TM9SF2: variants seen among roughly 807,000 people sequenced by gnomAD.
The protein encoded by TM9SF2 is transmembrane 9 superfamily member 2.
Under a neutral mutation model 84.9 loss-of-function variants are expected in TM9SF2, and 13 were observed. The observed-to-expected ratio is 0.15, with a 90% CI of 0.10 to 0.24. The LOEUF (loss-of-function observed/expected upper bound fraction) is 0.24, where lower values mean the gene tolerates loss of function less well. Ranked by LOEUF, TM9SF2 falls within the 10% of genes least tolerant of loss-of-function variation. TM9SF2 has a pLI of 1.00. For missense variants in TM9SF2, 562 were observed against 818.5 expected (o/e 0.69, Z 3.82); for synonymous variants, 273 against 285.8 (o/e 0.96, Z 0.45).
chr13:99,521,901 C>T (rs966148706), intron 3 of TM9SF2, among the ~76,000 whole-genome samples: 1 of 152,106 alleles, frequency 6.6e-6, no homozygotes, highest in Non-Finnish European at 1.5e-5. Context: ...GAGACAGGGT[C>T]TCACTCTGTT....
chr13:99,504,335 T>C (rs551141284), intron 1 of TM9SF2, among the ~76,000 whole-genome samples: 23 of 152,316 alleles, frequency 1.5e-4, no homozygotes, highest in African/African-American at 5.5e-4. Flanking sequence ...GTTGGAGAAA[T>C]TGGGCAGGTC....
chr13:99,511,918 C>T (rs1298299778), intron 1 of TM9SF2, among the ~76,000 whole-genome samples: 1 of 152,146 alleles, frequency 6.6e-6, no homozygotes, highest in Non-Finnish European at 1.5e-5. Context: ...CTTGTTTCCT[C>T]GTGTTAAAGA....
At chr13:99,517,749 C>T (rs568994728) in intron 2 of TM9SF2, 68 bp downstream of exon 2, 2 of 1,100,682 alleles carry the variant, frequency 1.8e-6, no homozygotes, top group African/African-American at 1.6e-5. Flanking sequence ...ACATTGAGAA[C>T]TTTGTTTTCT....
intron 8 of TM9SF2, among the ~76,000 whole-genome samples, chr13:99,541,265 T>C (rs1555340615): frequency 6.6e-6 from 1 of 152,244 alleles, no homozygotes; most frequent in Non-Finnish European, 1.5e-5. Flanking sequence ...AAGCCAGTCC[T>C]TTGTTGTGGC....
intron 3 of TM9SF2, among the ~76,000 whole-genome samples, chr13:99,526,694 G>A (rs114773462): frequency 1.6e-3 from 240 of 152,280 alleles, no homozygotes; most frequent in African/African-American, 5.5e-3. Context: ...GACCAGAGTC[G>A]CTGGAGGAGA....
At chr13:99,520,370 T>C (rs2046154091) in intron 3 of TM9SF2, among the ~76,000 whole-genome samples, 1 of 152,144 alleles carries the variant, frequency 6.6e-6, no homozygotes, top group African/African-American at 2.4e-5. Context: ...GACGGTGGCT[T>C]AAAGGGCAGG....
intron 2 of TM9SF2, among the ~76,000 whole-genome samples, chr13:99,518,420 A>G (rs534053407): frequency 1.3e-5 from 2 of 152,036 alleles, no homozygotes; most frequent in South Asian, 2.1e-4. Flanking sequence ...CCATACTATT[A>G]TTTTTGATTG....
intron 12 of TM9SF2, among the ~76,000 whole-genome samples, chr13:99,549,983 C>G (rs1422681478): frequency 6.6e-6 from 1 of 152,204 alleles, no homozygotes; most frequent in East Asian, 1.9e-4. Flanking sequence ...GTTATCGGTT[C>G]TATTCAAATT....
At chr13:99,525,021 G>A (rs907341985) in intron 3 of TM9SF2, among the ~76,000 whole-genome samples, 2 of 152,052 alleles carry the variant, frequency 1.3e-5, no homozygotes, top group African/African-American at 4.8e-5. Flanking sequence ...TGTCACTGAT[G>A]GGTCAGGTGA....
chr13:99,530,961 A>T (rs1004480350), intron 4 of TM9SF2, among the ~76,000 whole-genome samples: 1 of 151,688 alleles, frequency 6.6e-6, no homozygotes, highest in South Asian at 2.1e-4. Context: ...CCTGGGGTCA[A>T]GTGATTCTTG....
intron 4 of TM9SF2, among the ~76,000 whole-genome samples, chr13:99,534,413 A>C (rs1566568601): frequency 6.6e-6 from 1 of 152,122 alleles, no homozygotes; most frequent in Admixed American, 6.6e-5. Context: ...ACTGTGGGCT[A>C]CCCTCTTTGG....
rs1057426307 is a variant in TM9SF2, at chr13:99,517,531, C to T, written c.172-83C>T. ...ATAACATTTTACATTTCAGACATGTCAAATTCTTTTTTAATTCTAAGCATG... is the reference window on the plus strand; with the variant it reads ...ATAACATTTTACATTTCAGACATGTTAAATTCTTTTTTAATTCTAAGCATG... On this transcript the variant is annotated intron_variant, in intron 1 of 16. Coordinates refer to ENST00000376387, the MANE Select transcript of TM9SF2 (RefSeq NM_004800.3). 1.1e-4 allele frequency: 96 copies of T among 866,334 alleles called. 1 individual carries two copies. In the South Asian group the frequency reaches 1.8e-3, roughly 17 times the overall value. The allele number at this position is 866,334 out of a possible 1,614,324, so 53.7% of individuals were successfully genotyped here.
chr13:99,554,333 G>T lies in TM9SF2; in HGVS notation c.1518G>T (p.Gln506His). Reference protein sequence around the residue: ...NAIEHPVRTNQIPRQIPEQSF... With the variant: ...NAIEHPVRTNHIPRQIPEQSF... Reference sequence around the variant, plus strand: ...TTGAACACCCAGTTCGAACCAATCAGATTCCACGTCAGATTCCTGAACAGT... The same window carrying T: ...TTGAACACCCAGTTCGAACCAATCATATTCCACGTCAGATTCCTGAACAGT... Residue 506 changes from glutamine to histidine, a missense_variant, in exon 14 of 17, where the codon CAG (glutamine) becomes CAT (histidine). This residue lies in a region of TM9SF2 where 219 missense variants were observed against 338.1 expected (regional missense o/e 0.65). Coordinates refer to ENST00000376387, the MANE Select transcript of TM9SF2 (RefSeq NM_004800.3). The T allele has an allele frequency of 6.2e-7, 1 of 1,613,984 alleles. No homozygotes were observed. The highest frequency in any genetic ancestry group is 1.1e-5 in the South Asian group (1 of 91,036).
At chr13:99,555,292 A>G (rs1246952288) in intron 14 of TM9SF2, among the ~76,000 whole-genome samples, 1 of 152,140 alleles carries the variant, frequency 6.6e-6, no homozygotes, top group Non-Finnish European at 1.5e-5. Context: ...GTCTAGCCAT[A>G]TGTAAATAAG....
intron 1 of TM9SF2, among the ~76,000 whole-genome samples, chr13:99,505,941 G>A (rs546817229): frequency 1.3e-5 from 2 of 152,168 alleles, no homozygotes; most frequent in Non-Finnish European, 2.9e-5. Context: ...TTGATGGATA[G>A]ATCACGTTCT....
chr13:99,549,263 C>T, intron 12 of TM9SF2, 41 bp downstream of exon 12: 1 of 1,538,244 alleles, frequency 6.5e-7, no homozygotes, highest in Admixed American at 1.7e-5. Flanking sequence ...AACATAGTTA[C>T]ATGTTAGTCC....
At chr13:99,502,989 G>A (rs1368577382) in intron 1 of TM9SF2, among the ~76,000 whole-genome samples, 2 of 152,134 alleles carry the variant, frequency 1.3e-5, no homozygotes, top group East Asian at 3.8e-4. Flanking sequence ...CCTTGTATCT[G>A]AAAAAATATC....
intron 4 of TM9SF2, among the ~76,000 whole-genome samples, chr13:99,530,886 A>T (rs1202343384): frequency 1.3e-5 from 2 of 150,000 alleles, no homozygotes; most frequent in African/African-American, 4.9e-5. Context: ...TCTGAGATGG[A>T]GTCTCTCACT....
rs563854829 is a variant in TM9SF2, at chr13:99,548,033, A to C, written c.1270+929A>C. 4.6e-5 allele frequency among the ~76,000 whole-genome samples: 7 copies of C among 152,246 alleles called. No individual in the cohort carries two copies. The South Asian group carries it at 6.2e-4, about 14-fold the overall frequency. On this transcript the variant is annotated intron_variant, in intron 11 of 16. Coordinates refer to ENST00000376387, the MANE Select transcript of TM9SF2 (RefSeq NM_004800.3). ...TCAAGTTCTTTCTTCCCCTTTACTA[A>C]AGGAGGTAGGATTAGGGCCATCATA...
Sources: gnomAD v4.1 joint callset for allele counts (sites outside exome capture counted in the v4.1 genomes callset) on GRCh38, gnomAD v4.1.1 for gene constraint, gnomAD v4.1.1 regional missense constraint, MANE v1.5 for transcripts, NCBI Gene and HGNC (gene_info 2026-07-23, HGNC 2026-07-21) for gene names.